The following CSMD1 variants were observed in gnomAD, a reference collection of about 807,000 sequenced individuals.
The protein encoded by CSMD1 is CUB and Sushi multiple domains 1, also known as CUB and sushi domain-containing protein 1.
In CSMD1, 213 loss-of-function variants were observed where a neutral mutation model predicts 417.5. The observed-to-expected ratio is 0.51, with a 90% CI of 0.46 to 0.57. CSMD1 has a LOEUF of 0.57. CSMD1 is among the 20% of genes least tolerant of loss of function. The probability of loss-of-function intolerance (pLI) is 0.00; values close to 1 mark genes in which losing one functional copy is unlikely to be tolerated. For synonymous variants in CSMD1, 2,862 were observed against 1,736.8 expected, an observed-to-expected ratio of 1.65 and a Z score of -16.11; for missense variants, 6,923 against 4,529.7, an observed-to-expected ratio of 1.53 and a Z score of -15.17.
chr8:3,955,194 G>A (rs574262896), intron 5 of CSMD1, among the ~76,000 whole-genome samples: 1 of 152,292 alleles, frequency 6.6e-6, no homozygotes, highest in Non-Finnish European at 1.5e-5. Flanking sequence ...GTGACCACGT[G>A]CAGAGCACCT....
chr8:3,954,617 C>G (rs566658527), intron 5 of CSMD1, among the ~76,000 whole-genome samples: 29 of 152,348 alleles, frequency 1.9e-4, no homozygotes, highest in Non-Finnish European at 3.2e-4. Context: ...CCACCTTGGC[C>G]TCCCAAAGTT....
intron 60 of CSMD1, 101 bp from the exon 61 acceptor site, chr8:2,962,740 T>A (rs1411830405): frequency 1.6e-6 from 2 of 1,250,486 alleles, no homozygotes; most frequent in Non-Finnish European, 2.2e-6. Flanking sequence ...TAGCTTTAAC[T>A]ATTAAACAAG....
At chr8:3,427,618 C>G (rs1462400181) in intron 12 of CSMD1, among the ~76,000 whole-genome samples, 1 of 152,128 alleles carries the variant, frequency 6.6e-6, no homozygotes, top group Non-Finnish European at 1.5e-5. Context: ...CTCTGCAAAT[C>G]TAGTGTTCAT....
At chr8:4,188,242 A>G (rs1212905772) in intron 3 of CSMD1, among the ~76,000 whole-genome samples, 1 of 152,116 alleles carries the variant, frequency 6.6e-6, no homozygotes, top group African/African-American at 2.4e-5. Context: ...AGGACCCAGA[A>G]AACAGCGCAC....
Position 4,670,776 on chromosome 8 carries a change from T to A in CSMD1, c.86-33218A>T, listed in dbSNP as rs372728068. On this transcript the variant is annotated intron_variant, in intron 1 of 69. Coordinates refer to ENST00000635120, the MANE Select transcript of CSMD1 (RefSeq NM_033225.6). ...TACAAGTACACAAAAATTTATAATA[T>A]AAAGAAAAAAATAATTTGTTTCATG... Among the ~76,000 whole-genome samples, 16 of 152,204 alleles carry A rather than the reference T, an allele frequency of 1.1e-4. No homozygotes were observed. In the East Asian group the frequency reaches 3.1e-3, roughly 29 times the overall value.
chr8:3,007,335 A>G (rs2128960486), intron 52 of CSMD1, among the ~76,000 whole-genome samples: 1 of 152,076 alleles, frequency 6.6e-6, no homozygotes. Flanking sequence ...ACTGTAAACT[A>G]GTTCAACCAT....
intron 1 of CSMD1, among the ~76,000 whole-genome samples, chr8:4,708,177 T>A (rs906552393): frequency 6.6e-6 from 1 of 152,068 alleles, no homozygotes; most frequent in Non-Finnish European, 1.5e-5. Flanking sequence ...CTGGTCTGAA[T>A]CTCCACAAAC....
intron 1 of CSMD1, among the ~76,000 whole-genome samples, chr8:4,718,377 G>T (rs1019374420): frequency 6.6e-6 from 1 of 152,066 alleles, no homozygotes; most frequent in African/African-American, 2.4e-5. Context: ...ACATAAATTG[G>T]AGTCAACTTA....
intron 23 of CSMD1, among the ~76,000 whole-genome samples, chr8:3,332,888 G>T (rs1046732814): frequency 6.6e-6 from 1 of 152,276 alleles, no homozygotes; most frequent in African/African-American, 2.4e-5. Context: ...ACTGAACATG[G>T]CAAGTGTGAG....
chr8:3,541,367 G>T (rs184025507), intron 10 of CSMD1, among the ~76,000 whole-genome samples: 85 of 152,102 alleles, frequency 5.6e-4, no homozygotes, highest in African/African-American at 1.8e-3. Context: ...CATGCACTGG[G>T]GCCTGTTGAG....
intron 8 of CSMD1, among the ~76,000 whole-genome samples, chr8:3,609,737 TTA>T (rs202108379): frequency 2.0e-4 from 12 of 61,016 alleles, no homozygotes; most frequent in South Asian, 8.7e-4. Context: ...TTATAAGAAT[TTA>T]AAAAAAAAAA....
At chr8:3,416,897 A>G (rs1813189907) in intron 12 of CSMD1, among the ~76,000 whole-genome samples, 1 of 152,236 alleles carries the variant, frequency 6.6e-6, no homozygotes, top group South Asian at 2.1e-4. Flanking sequence ...CTTTGTATAA[A>G]ACCGCTCAAT....
intron 5 of CSMD1, among the ~76,000 whole-genome samples, chr8:3,869,361 T>G (rs1233813871): frequency 6.6e-6 from 1 of 152,196 alleles, no homozygotes; most frequent in Non-Finnish European, 1.5e-5. Flanking sequence ...ATAATAAAAT[T>G]ATATAATACA....
chr8:3,995,084 C>T (rs1426232300), intron 5 of CSMD1, among the ~76,000 whole-genome samples: 1 of 152,132 alleles, frequency 6.6e-6, no homozygotes, highest in Non-Finnish European at 1.5e-5. Context: ...CAATTTGATT[C>T]ATGAAATATT....
Position 4,141,990 on chromosome 8 carries a change from C to G in CSMD1, c.416-109891G>C, listed in dbSNP as rs528346187. ...ATAAATTATGACATTAAATTTCTCT[C>G]AACTTATATATTCAATGATGTTCCA... is the stretch of plus-strand genomic sequence containing the variant. On this transcript the variant is annotated intron_variant, in intron 3 of 69. Transcript: ENST00000635120. 4.8e-4 allele frequency among the ~76,000 whole-genome samples: 72 copies of G among 150,808 alleles called. 4 individuals carry two copies. Among genetic ancestry groups the G allele is most frequent in the African/African-American group, 1.7e-3 (67 of 40,310 alleles).
intron 10 of CSMD1, among the ~76,000 whole-genome samples, chr8:3,518,432 C>T (rs1356297617): frequency 6.6e-6 from 1 of 152,160 alleles, no homozygotes; most frequent in Non-Finnish European, 1.5e-5. Context: ...ACACAAAAAT[C>T]TGCTTTTAAA....
chr8:3,588,438 G>C (rs1345111263), intron 8 of CSMD1, among the ~76,000 whole-genome samples: 2 of 152,062 alleles, frequency 1.3e-5, no homozygotes. Context: ...CTTAACCTGA[G>C]GCACTGATAT....
chr8:3,029,732 G>A (rs1160494913), intron 50 of CSMD1, among the ~76,000 whole-genome samples: 1 of 150,542 alleles, frequency 6.6e-6, no homozygotes, highest in Non-Finnish European at 1.5e-5. Context: ...AGATGTCCTG[G>A]GAAGTCTGCA....
chr8:3,992,341 G>A (rs1441515995), intron 5 of CSMD1, among the ~76,000 whole-genome samples: 1 of 152,050 alleles, frequency 6.6e-6, no homozygotes, highest in East Asian at 1.9e-4. Flanking sequence ...TGACAGTTTT[G>A]TAATCTTATT....
Sources: allele counts gnomAD v4.1 joint callset (sites outside exome capture counted in the v4.1 genomes callset), GRCh38; gene constraint gnomAD v4.1.1; transcripts MANE v1.5; gene names NCBI Gene and HGNC (gene_info 2026-07-23, HGNC 2026-07-21).